CLDN14: variants seen among roughly 807,000 people sequenced by gnomAD.
CLDN14 encodes the protein claudin 14.
A neutral mutation model predicts 2.1 loss-of-function variants in CLDN14; 2 were observed. The ratio of observed to expected loss-of-function variants is 0.96; its 90% CI spans 0.39 to 3.01. The LOEUF (loss-of-function observed/expected upper bound fraction) is 3.01, where lower values mean the gene tolerates loss of function less well. CLDN14 is among the 30% of genes most tolerant of loss of function. The pLI, the probability that CLDN14 is intolerant of heterozygous loss-of-function variation, is 0.09. For synonymous variants in CLDN14, 136 were observed against 154.4 expected (o/e 0.88, Z 0.88); for missense variants, 298 against 328.0 (o/e 0.91, Z 0.71).
chr21:36,513,073 G>A (rs1265277977), intron 1 of CLDN14, among the ~76,000 whole-genome samples: 3 of 152,008 alleles, frequency 2.0e-5, no homozygotes, highest in Non-Finnish European at 4.4e-5. Flanking sequence ...TTTTGCTCAG[G>A]AATCTACCTG....
Position 36,461,048 on chromosome 21 carries a change from G to A in CLDN14, c.648C>T (p.Ala216=), listed in dbSNP as rs1425148813. 18 of 1,613,896 alleles carry A rather than the reference G, an allele frequency of 1.1e-5. No homozygotes were observed. Among genetic ancestry groups the A allele is most frequent in the Non-Finnish European group, 1.5e-5 (18 of 1,180,022 alleles). The change falls in exon 2 of 2, where the codon GCC becomes GCT. Residue 216 remains alanine (A), a synonymous_variant. Transcript: ENST00000399135. Reference sequence around the variant, plus strand: ...CTGAGGGGGCCCGATTGTCTTTGTAGGCAGCTGGTGGCTGGTAGGCAGGTG... The same window carrying A: ...CTGAGGGGGCCCGATTGTCTTTGTAAGCAGCTGGTGGCTGGTAGGCAGGTG... ...NTAPAYQPPA[A]YKDNRAPSVT...
intron 2 of CLDN14, chr21:36,486,379 A>G (rs2086896011): frequency 2.1e-6 from 2 of 954,382 alleles, no homozygotes; most frequent in Non-Finnish European, 3.4e-6. Flanking sequence ...TCAGCAGCAG[A>G]GGCTGCAGCT....
chr21:36,507,947 A>G (rs1042040714), intron 2 of CLDN14, among the ~76,000 whole-genome samples: 1 of 152,204 alleles, frequency 6.6e-6, no homozygotes, highest in South Asian at 2.1e-4. Flanking sequence ...TAAAAGTTGT[A>G]TATAATTACC....
intron 1 of CLDN14, among the ~76,000 whole-genome samples, chr21:36,569,951 A>G (rs1348435235): frequency 6.6e-6 from 1 of 152,216 alleles, no homozygotes; most frequent in African/African-American, 2.4e-5. Flanking sequence ...AAGTTTAAGG[A>G]CACACCTGTG....
At chr21:36,516,095 C>T (rs1314842341) in intron 1 of CLDN14, among the ~76,000 whole-genome samples, 1 of 152,060 alleles carries the variant, frequency 6.6e-6, no homozygotes, top group Non-Finnish European at 1.5e-5. Context: ...GCCGTTTTCC[C>T]TTCTCTTTGT....
Position 36,508,142 on chromosome 21 carries a change from G to A in CLDN14, c.-82+2221C>T, listed in dbSNP as rs568426744. ...AAGAGTATTCTCAGTGCTGTCCTGA[G>A]TTGTGTTCTGCAAAATGCACTGTTT... On this transcript the variant is annotated intron_variant, in intron 2 of 2. Coordinates refer to the CLDN14 transcript ENST00000342108. Among the ~76,000 whole-genome samples, 4 of 152,290 alleles carry A rather than the reference G, an allele frequency of 2.6e-5. No individual in the cohort carries two copies. In the South Asian group the frequency reaches 8.3e-4, roughly 32 times the overall value.
At position 36,490,135 on chromosome 21, in the gene CLDN14, C is replaced by T. The variant is rs1256848473; in HGVS notation, c.-82+20228G>A. The stretch of plus-strand genomic sequence containing the variant: ...ATGAGGAAGTCAGAGGCTCCACAGA[C>T]ACTCAGATATCATCAGATCCCCTCC... On this transcript the variant is annotated intron_variant, in intron 2 of 2. Transcript: ENST00000342108. Among the ~76,000 whole-genome samples, 3 of 152,354 alleles carry T rather than the reference C, an allele frequency of 2.0e-5. No homozygotes were observed. The East Asian group carries it at 5.8e-4, about 29-fold the overall frequency.
intron 2 of CLDN14, among the ~76,000 whole-genome samples, chr21:36,492,290 C>T (rs953233632): frequency 4.9e-5 from 7 of 142,660 alleles, no homozygotes; most frequent in East Asian, 4.8e-4. Flanking sequence ...AAAAATTAGC[C>T]GGGCGCGGTG....
intron 1 of CLDN14, among the ~76,000 whole-genome samples, chr21:36,558,956 A>C (rs1189008648): frequency 6.6e-6 from 1 of 152,146 alleles, no homozygotes; most frequent in Non-Finnish European, 1.5e-5. Context: ...TATACTTAAC[A>C]AAAATTTAAA....
At chr21:36,573,300 C>A (rs370350067) in intron 1 of CLDN14, among the ~76,000 whole-genome samples, 2,526 of 107,740 alleles carry the variant, frequency 0.023, no homozygotes, top group African/African-American at 0.027. Flanking sequence ...GACTCTGTCT[C>A]AAAAAAAAAA....
In CLDN14 at chr21:36,486,626, G is replaced by A. The variant is rs750809701; in HGVS notation, c.-82+23737C>T. 5 of 1,531,384 alleles carry A rather than the reference G, an allele frequency of 3.3e-6. No homozygotes were observed. The Admixed American group carries it at 5.0e-5, about 15-fold the overall frequency. The allele number at this position is 1,531,384 out of a possible 1,614,324, so 94.9% of individuals were successfully genotyped here. Reference sequence around the variant, plus strand: ...ACCGCTTCCATCTTTGCCATTCAACGTGTTTACAAAGGCTGTCAGCTTTTC... The same window carrying A: ...ACCGCTTCCATCTTTGCCATTCAACATGTTTACAAAGGCTGTCAGCTTTTC... On this transcript the variant is annotated intron_variant, in intron 2 of 2. Coordinates refer to the CLDN14 transcript ENST00000342108.
chr21:36,494,167 C>T (rs889158144), intron 2 of CLDN14, among the ~76,000 whole-genome samples: 1 of 152,196 alleles, frequency 6.6e-6, no homozygotes, highest in Non-Finnish European at 1.5e-5. Flanking sequence ...ACCGGGAGAC[C>T]ATCTTCTCTC....
chr21:36,499,710 A>G lies in CLDN14; in HGVS notation c.-82+10653T>C, dbSNP rs988185143. 2.6e-5 allele frequency among the ~76,000 whole-genome samples: 4 copies of G among 152,192 alleles called. No homozygotes were observed. The highest frequency in any genetic ancestry group is 9.7e-5 in the African/African-American group (4 of 41,440). ...ACTGATTTAGACACGCAGACAATAA[A>G]TACTGATTCTTGGACTACAGAGCCA... On this transcript the variant is annotated intron_variant, in intron 2 of 2. Coordinates refer to the CLDN14 transcript ENST00000342108. The surrounding 1 kb of genome is among the most constrained non-coding windows in gnomAD (Gnocchi z 4.7).
intron 1 of CLDN14, among the ~76,000 whole-genome samples, chr21:36,518,841 G>A (rs534867843): frequency 2.1e-4 from 32 of 152,186 alleles, no homozygotes; most frequent in Non-Finnish European, 3.7e-4. Context: ...CTGAGAGGCC[G>A]TATTACAGAG....
intron 1 of CLDN14, among the ~76,000 whole-genome samples, chr21:36,517,383 G>T (rs1427156675): frequency 6.6e-6 from 1 of 152,160 alleles, no homozygotes; most frequent in East Asian, 1.9e-4. Context: ...GTAAAAGTTT[G>T]CCAACCCTTG....
chr21:36,496,739 GAGGA>G (rs1289073731), intron 2 of CLDN14, among the ~76,000 whole-genome samples: 18 of 1,554 alleles, frequency 0.012, no homozygotes, highest in Non-Finnish European at 0.036. Context: ...GGAAGGGAGG[GAGGA>G]AGGAAGGGAG....
chr21:36,570,738 GCTCTT>G (rs1417341829), intron 1 of CLDN14, among the ~76,000 whole-genome samples: 1 of 152,264 alleles, frequency 6.6e-6, no homozygotes, highest in African/African-American at 2.4e-5. Context: ...CATGCTATGT[GCTCTT>G]CTCTTCTGTG....
At chr21:36,550,518 C>T (rs1051643906) in intron 1 of CLDN14, among the ~76,000 whole-genome samples, 3 of 152,192 alleles carry the variant, frequency 2.0e-5, no homozygotes, top group Admixed American at 6.5e-5. Flanking sequence ...AAGGGCAGTG[C>T]CAAATCCTGC....
At chr21:36,500,056 G>C (rs1284338447) in intron 2 of CLDN14, among the ~76,000 whole-genome samples, 1 of 152,068 alleles carries the variant, frequency 6.6e-6, no homozygotes, top group East Asian at 1.9e-4. Context: ...AACACCCTGG[G>C]GCAACTCAGG....
Sources: gnomAD v4.1 joint callset for allele counts (sites outside exome capture counted in the v4.1 genomes callset) on GRCh38, gnomAD v4.1.1 for gene constraint, Gnocchi (gnomAD v3.1) non-coding constraint, MANE v1.5 for transcripts, NCBI Gene and HGNC (gene_info 2026-07-23, HGNC 2026-07-21) for gene names.